THSD7B: variants seen among roughly 807,000 people sequenced by gnomAD.
The protein encoded by THSD7B is thrombospondin type-1 domain-containing protein 7B.
A neutral mutation model predicts 213.6 loss-of-function variants in THSD7B; 138 were observed. That is an observed-to-expected ratio of 0.65 (90% CI 0.56 to 0.74). The LOEUF (loss-of-function observed/expected upper bound fraction) is 0.74. Ranked by LOEUF, THSD7B falls within the 30% of genes least tolerant of loss-of-function variation. The probability of loss-of-function intolerance (pLI) is 0.00; values close to 1 mark genes in which losing one functional copy is unlikely to be tolerated. For missense variants in THSD7B, 1,931 were observed against 1,991.5 expected (o/e 0.97, Z 0.58); for synonymous variants, 742 against 687.0 (o/e 1.08, Z -1.25).
intron 7 of THSD7B, among the ~76,000 whole-genome samples, chr2:137,197,713 T>TAA (rs1392942451): frequency 4.6e-5 from 7 of 152,178 alleles, no homozygotes; most frequent in African/African-American, 1.7e-4. Flanking sequence ...GGGTTCTGTG[T>TAA]GTTTAGGAAC....
chr2:137,282,980 A>G (rs183318274), intron 12 of THSD7B, among the ~76,000 whole-genome samples: 5 of 152,270 alleles, frequency 3.3e-5, no homozygotes, highest in East Asian at 3.9e-4. Context: ...CATTGAATCT[A>G]TAAATTACCT....
At chr2:136,824,677 G>A (rs1292439663) in intron 1 of THSD7B, among the ~76,000 whole-genome samples, 1 of 152,144 alleles carries the variant, frequency 6.6e-6, no homozygotes, top group East Asian at 1.9e-4. Context: ...AATACATGGA[G>A]TGTCTTCTCT....
At chr2:137,135,490 A>G (rs1384260509) in intron 5 of THSD7B, among the ~76,000 whole-genome samples, 1 of 152,128 alleles carries the variant, frequency 6.6e-6, no homozygotes, top group East Asian at 1.9e-4. Context: ...ATTCCTGCAA[A>G]TTGATTATCA....
intron 15 of THSD7B, among the ~76,000 whole-genome samples, chr2:137,486,472 G>C (rs972807104): frequency 2.3e-4 from 35 of 151,260 alleles, no homozygotes; most frequent in African/African-American, 7.8e-4. Flanking sequence ...ACCCAATACA[G>C]GAGCACCCAG....
chr2:137,591,632 G>A (rs1450650473), intron 17 of THSD7B, among the ~76,000 whole-genome samples: 1 of 151,698 alleles, frequency 6.6e-6, no homozygotes, highest in Non-Finnish European at 1.5e-5. Context: ...CAATATTCTT[G>A]CGTCCTATTT....
At chr2:137,383,999 T>A (rs59140998) in intron 12 of THSD7B, among the ~76,000 whole-genome samples, 4,792 of 152,192 alleles carry the variant, frequency 0.031, 275 homozygotes, top group African/African-American at 0.11. Context: ...AAGCATTTTT[T>A]TAAAAAAATC....
chr2:137,326,523 C>T (rs1684378319), intron 12 of THSD7B, among the ~76,000 whole-genome samples: 1 of 152,128 alleles, frequency 6.6e-6, no homozygotes, highest in Admixed American at 6.6e-5. Context: ...CACTTAGATT[C>T]CTAAAAGTGG....
intron 12 of THSD7B, among the ~76,000 whole-genome samples, chr2:137,289,870 T>C (rs1280353313): frequency 1.3e-5 from 2 of 152,004 alleles, no homozygotes; most frequent in Non-Finnish European, 2.9e-5. Flanking sequence ...AAGCATGATT[T>C]TTGGGTGAGG....
chr2:137,148,131 A>G (rs1679740951), intron 5 of THSD7B, among the ~76,000 whole-genome samples: 1 of 152,102 alleles, frequency 6.6e-6, no homozygotes, highest in Admixed American at 6.6e-5. Context: ...TGCTGTTCTC[A>G]TGATAGTGAG....
chr2:137,434,911 T>C (rs947276405), intron 14 of THSD7B, among the ~76,000 whole-genome samples: 1 of 152,246 alleles, frequency 6.6e-6, no homozygotes, highest in Non-Finnish European at 1.5e-5. Context: ...TCCATTAAGA[T>C]GTACTTAATC....
At chr2:137,184,834 C>T (rs1680520936) in intron 7 of THSD7B, among the ~76,000 whole-genome samples, 2 of 152,112 alleles carry the variant, frequency 1.3e-5, no homozygotes, top group Non-Finnish European at 2.9e-5. Flanking sequence ...TGGGCCAAAA[C>T]TAATTTGAAA....
At chr2:136,990,284 A>G (rs1685752138) in intron 2 of THSD7B, among the ~76,000 whole-genome samples, 1 of 152,228 alleles carries the variant, frequency 6.6e-6, no homozygotes. Flanking sequence ...GTCTTCAGTA[A>G]TGTGAGGGGC....
At chr2:137,593,873 T>C (rs751140984) in intron 17 of THSD7B, among the ~76,000 whole-genome samples, 7 of 152,008 alleles carry the variant, frequency 4.6e-5, no homozygotes, top group Non-Finnish European at 8.8e-5. Context: ...ATTTTTTTCA[T>C]CTTTTCTTCT....
intron 1 of THSD7B, among the ~76,000 whole-genome samples, chr2:136,800,120 G>A (rs1190569216): frequency 6.6e-6 from 1 of 151,774 alleles, no homozygotes; most frequent in East Asian, 1.9e-4. Flanking sequence ...TTAAAGAAAC[G>A]CTAATTGGTT....
At chr2:137,451,583 T>C (rs1349175115) in intron 15 of THSD7B, among the ~76,000 whole-genome samples, 1 of 152,090 alleles carries the variant, frequency 6.6e-6, no homozygotes, top group African/African-American at 2.4e-5. Flanking sequence ...GATATTTTCA[T>C]AAATAAAACC....
At chr2:137,639,415 A>G (rs1682895834) in intron 20 of THSD7B, among the ~76,000 whole-genome samples, 1 of 152,228 alleles carries the variant, frequency 6.6e-6, no homozygotes, top group South Asian at 2.1e-4. Context: ...AGTTTGCTGC[A>G]GGGGCAGGGC....
chr2:137,497,281 G>A (rs748428169), intron 15 of THSD7B, among the ~76,000 whole-genome samples: 5 of 151,512 alleles, frequency 3.3e-5, no homozygotes, highest in Admixed American at 6.6e-5. Context: ...ATAACATTCT[G>A]TTGATTAACA....
chr2:137,510,290 G>A (rs150686837), intron 15 of THSD7B, among the ~76,000 whole-genome samples: 4 of 152,016 alleles, frequency 2.6e-5, no homozygotes, highest in South Asian at 2.1e-4. Context: ...TTGCTATAGC[G>A]ATTATAACAT....
intron 1 of THSD7B, among the ~76,000 whole-genome samples, chr2:136,802,519 A>T (rs987998847): frequency 1.3e-5 from 2 of 151,438 alleles, no homozygotes; most frequent in Non-Finnish European, 1.5e-5. Flanking sequence ...GAGGATAACA[A>T]AATATTCAAC....
Sources: allele counts gnomAD v4.1 joint callset (sites outside exome capture counted in the v4.1 genomes callset), GRCh38; gene constraint gnomAD v4.1.1; transcripts MANE v1.5; gene names NCBI Gene and HGNC (gene_info 2026-07-23, HGNC 2026-07-21).